Variants in CCSER1 observed in about 807,000 individuals in gnomAD.
The protein encoded by CCSER1 is serine-rich coiled-coil domain-containing protein 1.
In CCSER1, 41 loss-of-function variants were observed where a neutral mutation model predicts 82.0. That is an observed-to-expected ratio of 0.50 (90% CI 0.39 to 0.65). CCSER1 has a LOEUF of 0.65. Ranked by LOEUF, CCSER1 falls within the 30% of genes least tolerant of loss-of-function variation. The pLI is 0.00. For missense variants in CCSER1, 1,119 were observed against 1,064.2 expected (o/e 1.05, Z -0.72); for synonymous variants, 414 against 383.9 (o/e 1.08, Z -0.92).
Position 90,219,427 on chromosome 4 carries a change from C to T in CCSER1, c.-41-88817C>T, listed in dbSNP as rs555621792. On this transcript the variant is annotated intron_variant, in intron 1 of 10. Transcript: ENST00000509176. The stretch of plus-strand genomic sequence containing the variant: ...AAACAGGTATGCCTGAAATATTTAT[C>T]TTGAACGGTGTCAGGGCTTATTTTT... Among the ~76,000 whole-genome samples, 89 of 152,136 alleles carry T rather than the reference C, an allele frequency of 5.9e-4. 1 individual carries two copies. The highest frequency in any genetic ancestry group is 1.1e-3 in the Non-Finnish European group (74 of 68,008).
At chr4:91,134,964 G>A (rs1158137129) in intron 10 of CCSER1, among the ~76,000 whole-genome samples, 2 of 151,922 alleles carry the variant, frequency 1.3e-5, no homozygotes, top group South Asian at 2.1e-4. Context: ...GGAGGCTGAG[G>A]CAGGAGAATC....
intron 6 of CCSER1, among the ~76,000 whole-genome samples, chr4:90,718,464 GAAA>G (rs1742073104): frequency 6.6e-6 from 1 of 152,082 alleles, no homozygotes. Context: ...TATTAATAAT[GAAA>G]ACTCATTCTA....
Position 91,602,873 on chromosome 4 carries a change from T to C in CCSER1, c.*3816T>C, listed in dbSNP as rs963558500. On this transcript the variant is annotated 3_prime_UTR_variant, in exon 11 of 11. Coordinates refer to ENST00000509176, the MANE Select transcript of CCSER1 (RefSeq NM_001145065.2). ...CACCCATTCATTTATACCAGGATTT[T>C]GATTGCTATCTAAGACTTGACTTTA... is the stretch of plus-strand genomic sequence containing the variant. Among the ~76,000 whole-genome samples the C allele has an allele frequency of 6.6e-6, 1 of 152,084 alleles. No homozygotes were observed. Among genetic ancestry groups the C allele is most frequent in the Admixed American group, 6.6e-5 (1 of 15,240 alleles).
chr4:90,884,359 A>G (rs1721799534), intron 8 of CCSER1, among the ~76,000 whole-genome samples: 1 of 152,204 alleles, frequency 6.6e-6, no homozygotes, highest in Admixed American at 6.5e-5. Context: ...GGAAGCACCC[A>G]TGGAGAAGGG....
chr4:90,308,669 A>G lies in CCSER1; in HGVS notation c.385A>G (p.Arg129Gly), dbSNP rs760990062. ...FSSSRNKKIT[R>G]SLTEDFEREK... ...TAGTTCACGAAATAAGAAGATAACA[A>G]GATCTTTGACAGAGGATTTTGAAAG... Residue 129 changes from arginine to glycine, a missense_variant, in exon 2 of 11, where the codon AGA (arginine) becomes GGA (glycine). Coordinates refer to ENST00000509176, the MANE Select transcript of CCSER1 (RefSeq NM_001145065.2). The G allele has an allele frequency of 2.9e-5, 46 of 1,613,582 alleles. No individual in the cohort carries two copies. Among genetic ancestry groups the G allele is most frequent in the Non-Finnish European group, 3.2e-5 (38 of 1,179,812 alleles).
rs560843435 is a variant in CCSER1 at position 91,533,158 on chromosome 4, G to C, written c.2218-65414G>C. On this transcript the variant is annotated intron_variant, in intron 10 of 10. Transcript: ENST00000509176. ...TTTAATCAATGTACAACAGAAACCT[G>C]AATAATTCTACCTCACTATTTTTTC... 3.9e-5 allele frequency among the ~76,000 whole-genome samples: 6 copies of C among 152,140 alleles called. No homozygotes were observed. The East Asian group carries it at 1.2e-3, about 29-fold the overall frequency.
intron 8 of CCSER1, among the ~76,000 whole-genome samples, chr4:90,900,094 G>GTTTTTTTTTTTTTTTTTT (rs70963096): frequency 9.8e-6 from 1 of 102,156 alleles, no homozygotes; most frequent in Non-Finnish European, 2.1e-5. Context: ...TGGTCCCAGA[G>GTTTTTTTTTTTTTTTTTT]TTTTTTTTTT....
intron 9 of CCSER1, among the ~76,000 whole-genome samples, chr4:90,960,162 T>C (rs1309646539): frequency 6.6e-6 from 1 of 152,116 alleles, no homozygotes; most frequent in Non-Finnish European, 1.5e-5. Flanking sequence ...TCACATTGTT[T>C]TCATTAATCA....
At chr4:91,045,976 AG>A (rs1742440833) in intron 9 of CCSER1, among the ~76,000 whole-genome samples, 1 of 128,800 alleles carries the variant, frequency 7.8e-6, no homozygotes, top group Admixed American at 7.9e-5. Flanking sequence ...TCTGGCCGGC[AG>A]GGGCAGGGGT....
chr4:91,091,629 G>A (rs183832615), intron 10 of CCSER1, among the ~76,000 whole-genome samples: 15 of 152,290 alleles, frequency 9.8e-5, no homozygotes, highest in East Asian at 1.9e-4. Context: ...AGGGCTTGTC[G>A]TCCTCCTCAG....
chr4:90,687,865 T>C (rs1735102985), intron 6 of CCSER1, among the ~76,000 whole-genome samples: 1 of 152,136 alleles, frequency 6.6e-6, no homozygotes, highest in Non-Finnish European at 1.5e-5. Context: ...TGCAGGGAAA[T>C]ACTTTTCTGG....
chr4:91,537,020 AT>A (rs1761332494), intron 10 of CCSER1, among the ~76,000 whole-genome samples: 1 of 152,042 alleles, frequency 6.6e-6, no homozygotes, highest in African/African-American at 2.4e-5. Flanking sequence ...TGATGTCTCC[AT>A]TTTTAAATAC....
intron 3 of CCSER1, among the ~76,000 whole-genome samples, chr4:90,375,576 T>C (rs1030557470): frequency 5.3e-5 from 8 of 152,146 alleles, no homozygotes; most frequent in Admixed American, 3.9e-4. Flanking sequence ...ACTACTGAAA[T>C]ATCCCTAAAC....
At chr4:90,204,936 T>C (rs1036759603) in intron 1 of CCSER1, among the ~76,000 whole-genome samples, 1 of 152,202 alleles carries the variant, frequency 6.6e-6, no homozygotes, top group Non-Finnish European at 1.5e-5. Context: ...TTCCTAGGTA[T>C]TTAATTCTCT....
intron 10 of CCSER1, among the ~76,000 whole-genome samples, chr4:91,404,422 T>A (rs538012485): frequency 6.6e-6 from 1 of 152,166 alleles, no homozygotes; most frequent in Non-Finnish European, 1.5e-5. Flanking sequence ...CTTAGTTATT[T>A]CTTGCCTTCT....
intron 9 of CCSER1, among the ~76,000 whole-genome samples, chr4:90,969,924 A>C (rs111872513): frequency 0.019 from 2,832 of 151,762 alleles, 108 homozygotes; most frequent in African/African-American, 0.064. Flanking sequence ...GATACACATA[A>C]GAAATAAAAA....
At chr4:90,467,710 A>AG (rs1322884107) in intron 4 of CCSER1, among the ~76,000 whole-genome samples, 3 of 152,254 alleles carry the variant, frequency 2.0e-5, no homozygotes, top group East Asian at 1.9e-4. Flanking sequence ...CAAAAAAAAA[A>AG]AGAAAAGAAT....
At chr4:90,638,208 A>T (rs1023644863) in intron 6 of CCSER1, among the ~76,000 whole-genome samples, 1 of 152,184 alleles carries the variant, frequency 6.6e-6, no homozygotes, top group Non-Finnish European at 1.5e-5. Context: ...CTTTTAGGAC[A>T]GCTCTACATT....
chr4:91,130,140 T>A (rs979155204), intron 10 of CCSER1: 3 of 151,968 alleles, frequency 2.0e-5, no homozygotes, highest in African/African-American at 7.2e-5. Context: ...CTGTGTCCAT[T>A]ATATTTAAAT....
Sources: allele counts gnomAD v4.1 joint callset (sites outside exome capture counted in the v4.1 genomes callset), GRCh38; gene constraint gnomAD v4.1.1; transcripts MANE v1.5; gene names NCBI Gene and HGNC (gene_info 2026-07-23, HGNC 2026-07-21).